LRP12: variants seen among roughly 807,000 people sequenced by gnomAD.
LRP12 encodes LDL receptor related protein 12.
In LRP12, 14 loss-of-function variants were observed where a neutral mutation model predicts 66.0. That is an observed-to-expected ratio of 0.21 (90% CI 0.14 to 0.33). The LOEUF is 0.33. Ranked by LOEUF, LRP12 falls within the 10% of genes least tolerant of loss-of-function variation. The pLI, the probability that LRP12 is intolerant of heterozygous loss-of-function variation, is 1.00. For missense variants in LRP12, 889 were observed against 1,053.4 expected, an observed-to-expected ratio of 0.84 and a Z score of 2.16; for synonymous variants, 357 against 359.1, an observed-to-expected ratio of 0.99 and a Z score of 0.07.
At chr8:104,522,092 C>CT (rs1416473701) in intron 2 of LRP12, among the ~76,000 whole-genome samples, 1 of 151,838 alleles carries the variant, frequency 6.6e-6, no homozygotes, top group African/African-American at 2.4e-5. Context: ...ACTAGATGTT[C>CT]TTCCAGGAAA....
At chr8:104,546,470 T>C (rs1186626431) in intron 1 of LRP12, among the ~76,000 whole-genome samples, 2 of 152,164 alleles carry the variant, frequency 1.3e-5, no homozygotes, top group Non-Finnish European at 2.9e-5. Flanking sequence ...CATTACACAT[T>C]GTACGAATTC....
intron 1 of LRP12, among the ~76,000 whole-genome samples, chr8:104,572,486 A>C (rs549710993): frequency 3.3e-5 from 5 of 152,312 alleles, no homozygotes; most frequent in Admixed American, 3.3e-4. Context: ...GAAAATTAAT[A>C]AAACAGAAAA....
chr8:104,582,627 A>G (rs1355075558), intron 1 of LRP12, among the ~76,000 whole-genome samples: 1 of 152,194 alleles, frequency 6.6e-6, no homozygotes, highest in Non-Finnish European at 1.5e-5. Flanking sequence ...TTCATTGACA[A>G]AATGACTGCC....
At chr8:104,563,298 A>G (rs930559965) in intron 1 of LRP12, among the ~76,000 whole-genome samples, 3 of 152,160 alleles carry the variant, frequency 2.0e-5, no homozygotes, top group South Asian at 2.1e-4. Flanking sequence ...TTACTTAGTT[A>G]TTAGAACAAA....
At position 104,501,479 on chromosome 8, in the gene LRP12, C is replaced by A. The variant is rs557409720; in HGVS notation, c.273-1960G>T. Among the ~76,000 whole-genome samples, 20 of 152,112 alleles carry A rather than the reference C, an allele frequency of 1.3e-4. No homozygotes were observed. In the South Asian group the frequency reaches 1.7e-3, roughly 13 times the overall value. On this transcript the variant is annotated intron_variant, in intron 3 of 6. Coordinates refer to ENST00000276654, the MANE Select transcript of LRP12 (RefSeq NM_013437.5). Reference sequence around the variant, plus strand: ...CTTTGGGAGGCTGAGGTGGGCAGATCACTTGAGGTCAGGAGTTCGAGACCA... The same window carrying A: ...CTTTGGGAGGCTGAGGTGGGCAGATAACTTGAGGTCAGGAGTTCGAGACCA...
Position 104,540,221 on chromosome 8 carries a change from A to G in LRP12, c.80-8258T>C, listed in dbSNP as rs12681263. ...AGAAGAGGCCATGTGAGGACACAGT[A>G]AGGAGGACACTGCATGCTAGGAAAA... On this transcript the variant is annotated intron_variant, in intron 1 of 6. Transcript: ENST00000276654. Among the ~76,000 whole-genome samples, 379 of 152,246 alleles carry G rather than the reference A, an allele frequency of 2.5e-3. 4 individuals carry two copies. The highest frequency in any genetic ancestry group is 9.9e-3 in the East Asian group (51 of 5,174).
At chr8:104,505,020 G>A (rs565536566) in intron 3 of LRP12, 2 of 152,108 alleles carry the variant, frequency 1.3e-5, no homozygotes, top group South Asian at 4.2e-4. Context: ...ATCTCGTTTT[G>A]TTTTTGTTTA....
chr8:104,551,584 C>T (rs1811726209), intron 1 of LRP12, among the ~76,000 whole-genome samples: 1 of 152,136 alleles, frequency 6.6e-6, no homozygotes, highest in African/African-American at 2.4e-5. Context: ...ATGTTTAGCT[C>T]CCACTTAAAC....
chr8:104,583,338 G>C (rs1310049228), intron 1 of LRP12, among the ~76,000 whole-genome samples: 1 of 152,066 alleles, frequency 6.6e-6, no homozygotes, highest in African/African-American at 2.4e-5. Context: ...AGTGTTTTTA[G>C]TAATTTATCT....
chr8:104,508,914 T>C (rs772923250), intron 3 of LRP12, 25 bp downstream of exon 3: 4 of 1,582,306 alleles, frequency 2.5e-6, no homozygotes, highest in East Asian at 4.5e-5. Context: ...ATAAATTATA[T>C]AGTAATACAG....
Position 104,588,819 on chromosome 8 carries a change from C to T in LRP12, c.79G>A (p.Gly27Arg), listed in dbSNP as rs1812379176. The T allele has an allele frequency of 1.9e-6, 3 of 1,612,136 alleles. No homozygotes were observed. Among genetic ancestry groups the T allele is most frequent in the South Asian group, 1.1e-5 (1 of 90,598 alleles). The part of the protein sequence containing the change: ...LLLLFLAGVY[G>R]NGALAEHSEN... ...GGGGCGCGGGGACGCGGACACTTAC[C>T]GTACACCCCAGCGAGGAAAAGCAAG... The change falls in exon 1 of 7, where the codon GGA becomes AGA. Residue 27 changes from glycine (G) to arginine (R), a missense_variant and splice_region_variant. Gly to Arg is a moderately radical substitution (Grantham distance 125). Around this residue, in one of 3 missense-constraint regions of LRP12, gnomAD observed 88 missense variants for 72.5 expected, o/e 1.21. Coordinates refer to ENST00000276654, the MANE Select transcript of LRP12 (RefSeq NM_013437.5).
chr8:104,588,573 G>A (rs1812374269), intron 1 of LRP12, among the ~76,000 whole-genome samples: 1 of 152,124 alleles, frequency 6.6e-6, no homozygotes, highest in South Asian at 2.1e-4. Context: ...CGCTCCGCCG[G>A]GGCCCTCCCG....
intron 2 of LRP12, among the ~76,000 whole-genome samples, chr8:104,521,038 A>G (rs2140853326): frequency 6.6e-6 from 1 of 152,154 alleles, no homozygotes; most frequent in South Asian, 2.1e-4. Context: ...TCTGGTACTC[A>G]CACGTGCTGT....
Position 104,544,614 on chromosome 8 carries a change from T to C in LRP12, c.80-12651A>G, listed in dbSNP as rs192999861. Among the ~76,000 whole-genome samples the C allele has an allele frequency of 1.9e-3, 282 of 152,090 alleles. 3 individuals are homozygous for C. Among genetic ancestry groups the C allele is most frequent in the Non-Finnish European group, 2.2e-3 (147 of 67,962 alleles). On this transcript the variant is annotated intron_variant, in intron 1 of 6. Transcript: ENST00000276654. ...ACCATTCCAAAAATCCTAGGGCCCTTAGGAATTAAGCTAAATCTGCTCTGC... is the reference window on the plus strand; with the variant it reads ...ACCATTCCAAAAATCCTAGGGCCCTCAGGAATTAAGCTAAATCTGCTCTGC...
At chr8:104,503,142 A>C (rs1397551921) in intron 3 of LRP12, among the ~76,000 whole-genome samples, 1 of 152,074 alleles carries the variant, frequency 6.6e-6, no homozygotes, top group Non-Finnish European at 1.5e-5. Context: ...TGGTGTTTCC[A>C]AAGATCCCAA....
intron 2 of LRP12, among the ~76,000 whole-genome samples, chr8:104,514,166 G>A (rs1275964860): frequency 6.6e-6 from 1 of 151,996 alleles, no homozygotes; most frequent in Non-Finnish European, 1.5e-5. Flanking sequence ...GGGAACCAAG[G>A]CCTGTTTTAT....
At chr8:104,587,317 C>CA (rs1812349132) in intron 1 of LRP12, among the ~76,000 whole-genome samples, 1 of 152,152 alleles carries the variant, frequency 6.6e-6, no homozygotes, top group Non-Finnish European at 1.5e-5. Flanking sequence ...TACCCACCTT[C>CA]AGGGCAGAAG....
At chr8:104,556,087 G>A in intron 1 of LRP12, among the ~76,000 whole-genome samples, 1 of 152,068 alleles carries the variant, frequency 6.6e-6, no homozygotes, top group Non-Finnish European at 1.5e-5. Context: ...AATCAAGATG[G>A]AAATTTAAAA....
chr8:104,538,475 T>C (rs1811420421), intron 1 of LRP12, among the ~76,000 whole-genome samples: 1 of 152,084 alleles, frequency 6.6e-6, no homozygotes, highest in African/African-American at 2.4e-5. Flanking sequence ...AAGGCTCAAT[T>C]AAATGTTACC....
Sources: allele counts gnomAD v4.1 joint callset (sites outside exome capture counted in the v4.1 genomes callset), GRCh38; gene constraint gnomAD v4.1.1; regional missense constraint gnomAD v4.1.1; transcripts MANE v1.5; gene names NCBI Gene and HGNC (gene_info 2026-07-23, HGNC 2026-07-21).